Variants in TMPRSS11D observed in about 807,000 individuals in gnomAD.
TMPRSS11D encodes the protein transmembrane serine protease 11D, also known as transmembrane protease serine 11D.
Under a neutral mutation model 44.4 loss-of-function variants are expected in TMPRSS11D, and 32 were observed. The ratio of observed to expected loss-of-function variants is 0.72; its 90% confidence interval spans 0.54 to 0.97. The LOEUF (loss-of-function observed/expected upper bound fraction) is 0.97. Ranked by LOEUF, TMPRSS11D falls within the 50% of genes least tolerant of loss-of-function variation. The pLI is 0.00. For synonymous variants in TMPRSS11D, 179 were observed against 177.9 expected (o/e 1.01, Z -0.05); for missense variants, 446 against 502.6 (o/e 0.89, Z 1.08).
chr4:67,827,130 A>G, intron 8 of TMPRSS11D, 131 bp downstream of exon 8: 1 of 1,227,380 alleles, frequency 8.1e-7, no homozygotes, highest in South Asian at 1.8e-5. Context: ...GCTTGGGCTG[A>G]GCAGAATATA....
At chr4:67,878,963 G>T (rs1719257652) in intron 1 of TMPRSS11D, among the ~76,000 whole-genome samples, 1 of 152,080 alleles carries the variant, frequency 6.6e-6, no homozygotes, top group African/African-American at 2.4e-5. Flanking sequence ...TATCATAAAA[G>T]ATGTATAAGT....
chr4:67,846,171 A>C (rs1577814690), intron 3 of TMPRSS11D, among the ~76,000 whole-genome samples: 1 of 152,182 alleles, frequency 6.6e-6, no homozygotes, highest in East Asian at 1.9e-4. Flanking sequence ...AATATGATCT[A>C]TCTATTACTA....
chr4:67,838,445 T>C, intron 4 of TMPRSS11D, 116 bp from the exon 5 acceptor site: 2 of 977,516 alleles, frequency 2.0e-6, no homozygotes, highest in South Asian at 2.1e-5. Context: ...AATTTAACTT[T>C]AGACAGATCT....
chr4:67,877,121 C>T lies in TMPRSS11D; in HGVS notation c.8+6805G>A, dbSNP rs559400877. ...AGGATTCATTCTATTGTGCTCTGTA[C>T]TTCGTTATATCTTTAAAATATTCTA... On this transcript the variant is annotated intron_variant, in intron 1 of 9. Coordinates refer to ENST00000283916, the MANE Select transcript of TMPRSS11D (RefSeq NM_004262.3). Among the ~76,000 whole-genome samples the T allele has an allele frequency of 5.3e-5, 8 of 152,166 alleles. No individual in the cohort carries two copies. In the East Asian group the frequency reaches 9.6e-4, roughly 18 times the overall value.
chr4:67,867,221 T>C (rs1220666695), intron 1 of TMPRSS11D, among the ~76,000 whole-genome samples: 3 of 151,842 alleles, frequency 2.0e-5, no homozygotes, highest in Admixed American at 6.6e-5. Context: ...GACAAAAACA[T>C]ACACTGGGGA....
chr4:67,855,392 T>A (rs1167381920), intron 2 of TMPRSS11D, among the ~76,000 whole-genome samples: 1 of 152,080 alleles, frequency 6.6e-6, no homozygotes, highest in African/African-American at 2.4e-5. Flanking sequence ...ATCCCAGAGA[T>A]GCAAGAATGA....
At chr4:67,868,846 A>G (rs1398919025) in intron 1 of TMPRSS11D, among the ~76,000 whole-genome samples, 1 of 152,204 alleles carries the variant, frequency 6.6e-6, no homozygotes, top group Non-Finnish European at 1.5e-5. Flanking sequence ...TTGTGCAGAC[A>G]AATTTATTAG....
In TMPRSS11D at chr4:67,838,224, T is replaced by C. The variant is rs1325465389; in HGVS notation, c.423A>G (p.Gln141=). Residue 141 remains glutamine (Q), a synonymous_variant, in exon 5 of 10, where the codon CAA becomes CAG. Coordinates refer to ENST00000283916, the MANE Select transcript of TMPRSS11D (RefSeq NM_004262.3). The part of the protein sequence containing the change: ...MKSRIESVLR[Q]MLNNSGNLEI... ...CCAGGTTTCCAGAGTTATTCAGCAT[T>C]TGTCGTAAAACAGACTCAATTCTGC... The C allele has an allele frequency of 6.3e-7, 1 of 1,595,024 alleles. No homozygotes were observed. Among genetic ancestry groups the C allele is most frequent in the Non-Finnish European group, 8.5e-7 (1 of 1,172,346 alleles).
At chr4:67,823,197 C>T (rs1717695265) in intron 9 of TMPRSS11D, among the ~76,000 whole-genome samples, 1 of 152,052 alleles carries the variant, frequency 6.6e-6, no homozygotes, top group Admixed American at 6.6e-5. Flanking sequence ...ACCTTAGCAC[C>T]CTGCGTGGTG....
chr4:67,833,175 C>T, intron 7 of TMPRSS11D, 29 bp downstream of exon 7: 2 of 1,400,062 alleles, frequency 1.4e-6, no homozygotes, highest in Non-Finnish European at 1.9e-6. Context: ...TCTAATTGTT[C>T]CCAGATGGGT....
At chr4:67,835,170 A>G in intron 5 of TMPRSS11D, 49 bp from the exon 6 acceptor site, 1 of 1,514,480 alleles carries the variant, frequency 6.6e-7, no homozygotes, top group Non-Finnish European at 9.1e-7. Context: ...GGCTGATATC[A>G]TTTCACCATA....
chr4:67,862,208 T>C (rs1309059835), intron 1 of TMPRSS11D, among the ~76,000 whole-genome samples: 2 of 152,148 alleles, frequency 1.3e-5, no homozygotes, highest in Admixed American at 1.3e-4. Flanking sequence ...CCAGGCATTG[T>C]ACAAGTACGT....
chr4:67,852,144 C>T (rs1340065083), intron 3 of TMPRSS11D, among the ~76,000 whole-genome samples: 1 of 152,180 alleles, frequency 6.6e-6, no homozygotes, highest in Non-Finnish European at 1.5e-5. Flanking sequence ...TGAGAGCACC[C>T]CAGAGACACT....
At chr4:67,839,638 A>G (rs952527716) in intron 4 of TMPRSS11D, among the ~76,000 whole-genome samples, 4 of 152,022 alleles carry the variant, frequency 2.6e-5, no homozygotes, top group African/African-American at 9.7e-5. Flanking sequence ...ACACCCAATA[A>G]CAGCATGAAC....
Position 67,867,796 on chromosome 4 carries a change from G to A in TMPRSS11D, c.9-8118C>T, listed in dbSNP as rs190903944. Among the ~76,000 whole-genome samples, 421 of 152,186 alleles carry A rather than the reference G, an allele frequency of 2.8e-3. 1 individual carries two copies. The highest frequency in any genetic ancestry group is 6.7e-3 in the Admixed American group (102 of 15,278). Reference sequence around the variant, plus strand: ...GATAAACTGTTACACCAGTTGGAATGGTTATTAGAAAGTCAAGGTATAACA... The same window carrying A: ...GATAAACTGTTACACCAGTTGGAATAGTTATTAGAAAGTCAAGGTATAACA... On this transcript the variant is annotated intron_variant, in intron 1 of 9. Transcript: ENST00000283916.
chr4:67,878,913 G>A (rs1719256752), intron 1 of TMPRSS11D, among the ~76,000 whole-genome samples: 1 of 152,088 alleles, frequency 6.6e-6, no homozygotes, highest in Non-Finnish European at 1.5e-5. Context: ...GGGAGAGAGG[G>A]AGACTCTGTC....
At chr4:67,875,590 T>TGA (rs1288849937) in intron 1 of TMPRSS11D, among the ~76,000 whole-genome samples, 1 of 152,218 alleles carries the variant, frequency 6.6e-6, no homozygotes, top group Non-Finnish European at 1.5e-5. Flanking sequence ...AACTGTTCCG[T>TGA]GAGAGAGACA....
At chr4:67,865,835 T>C (rs975941050) in intron 1 of TMPRSS11D, among the ~76,000 whole-genome samples, 1 of 151,634 alleles carries the variant, frequency 6.6e-6, no homozygotes, top group African/African-American at 2.4e-5. Flanking sequence ...AGTAGTACAA[T>C]TGAATAAGAA....
rs370013283 is a variant in TMPRSS11D at position 67,829,862 on chromosome 4, C to T, written c.693-2342G>A. ...ATAAAACTTAAACAAAAGAATAATACTAAATGTTGATGTGGAGGGAAATGG... is the reference window on the plus strand; with the variant it reads ...ATAAAACTTAAACAAAAGAATAATATTAAATGTTGATGTGGAGGGAAATGG... On this transcript the variant is annotated intron_variant, in intron 7 of 9. Transcript: ENST00000283916. Among the ~76,000 whole-genome samples, 4 of 151,934 alleles carry T rather than the reference C, an allele frequency of 2.6e-5. No individual in the cohort carries two copies. The East Asian group carries it at 7.7e-4, about 29-fold the overall frequency.
Sources: gnomAD v4.1 joint callset for allele counts (sites outside exome capture counted in the v4.1 genomes callset) on GRCh38, gnomAD v4.1.1 for gene constraint, MANE v1.5 for transcripts, NCBI Gene and HGNC (gene_info 2026-07-23, HGNC 2026-07-21) for gene names.